EMID1: variants seen among roughly 807,000 people sequenced by gnomAD.
EMID1 encodes the protein EMI domain-containing protein 1.
A neutral mutation model predicts 60.6 loss-of-function variants in EMID1; 40 were observed. That is an observed-to-expected ratio of 0.66 (90% CI 0.51 to 0.86). The LOEUF is 0.86. EMID1 is among the 40% of genes least tolerant of loss of function. The pLI, the probability that EMID1 is intolerant of heterozygous loss-of-function variation, is 0.00. For missense variants in EMID1, 585 were observed against 597.1 expected (o/e 0.98, Z 0.21); for synonymous variants, 242 against 231.0 (o/e 1.05, Z -0.43).
intron 3 of EMID1, among the ~76,000 whole-genome samples, chr22:29,219,586 C>G (rs2146189117): frequency 6.6e-6 from 1 of 152,106 alleles, no homozygotes; most frequent in South Asian, 2.1e-4. Context: ...TCAAGCCTAG[C>G]CTGGGCAACA....
chr22:29,252,362 G>T (rs74662093), intron 13 of EMID1, among the ~76,000 whole-genome samples: 6,007 of 152,236 alleles, frequency 0.039, 247 homozygotes, highest in East Asian at 0.14. Context: ...AACCTTAAAG[G>T]GTTGGCTTGT....
intron 3 of EMID1, among the ~76,000 whole-genome samples, chr22:29,222,797 A>G (rs1432125153): frequency 6.6e-6 from 1 of 152,182 alleles, no homozygotes; most frequent in African/African-American, 2.4e-5. Context: ...TCATCAACAA[A>G]AGTTTTATAC....
rs1475591165 is a variant in EMID1, at chr22:29,256,300, C to T, written c.1204+2013C>T. On this transcript the variant is annotated intron_variant, in intron 14 of 14. Coordinates refer to ENST00000334018, the MANE Select transcript of EMID1 (RefSeq NM_133455.4). Reference sequence around the variant, plus strand: ...CCAGCCTGGGCAACATGGCGAAACCCCGTCTCTACTAAAAATTAGTTGGGT... The same window carrying T: ...CCAGCCTGGGCAACATGGCGAAACCTCGTCTCTACTAAAAATTAGTTGGGT... 2.0e-5 allele frequency among the ~76,000 whole-genome samples: 3 copies of T among 151,840 alleles called. No individual in the cohort carries two copies. In the East Asian group the frequency reaches 5.8e-4, roughly 29 times the overall value.
chr22:29,230,423 T>C (rs1568986081), intron 5 of EMID1, among the ~76,000 whole-genome samples: 1 of 152,204 alleles, frequency 6.6e-6, no homozygotes, highest in Non-Finnish European at 1.5e-5. Flanking sequence ...AGCTTCTTAT[T>C]TGGATAACCA....
intron 4 of EMID1, among the ~76,000 whole-genome samples, chr22:29,225,986 G>A (rs1322212234): frequency 6.6e-6 from 1 of 152,204 alleles, no homozygotes; most frequent in Non-Finnish European, 1.5e-5. Flanking sequence ...TGCGCTGGGT[G>A]GGTCCCCAAA....
At chr22:29,254,354 T>G (rs1016213094) in intron 14 of EMID1, 67 bp downstream of exon 14, 2 of 1,505,718 alleles carry the variant, frequency 1.3e-6, no homozygotes, top group African/African-American at 2.8e-5. Flanking sequence ...CAAGCCCTCC[T>G]GGGGTGGAAC....
chr22:29,231,631 C>G lies in EMID1; in HGVS notation c.625C>G (p.Pro209Ala). ...TTGGGGGCTTCCCGGGCCCACCGGC[C>G]CCAAGGGAGATGCCGGCAGTCGGGG... is the stretch of plus-strand genomic sequence containing the variant. ...GAWGLPGPTG[P>A]KGDAGSRGPM... Residue 209 changes from proline (P) to alanine (A), a missense_variant, in exon 7 of 15, where the codon CCC becomes GCC. Coordinates refer to ENST00000334018, the MANE Select transcript of EMID1 (RefSeq NM_133455.4). The G allele has an allele frequency of 6.7e-7, 1 of 1,501,784 alleles. No homozygotes were observed. Among genetic ancestry groups the G allele is most frequent in the Non-Finnish European group, 8.9e-7 (1 of 1,121,060 alleles). 93.0% of individuals were successfully genotyped at this position (1,501,784 alleles called of 1,614,324 possible). A position where few individuals can be genotyped will look rare whatever the true frequency, so the allele number is the denominator to read the frequency against.
Position 29,232,390 on chromosome 22 carries a change from A to C in EMID1, c.811A>C (p.Ile271Leu). 1 of 1,582,536 alleles carries C rather than the reference A, an allele frequency of 6.3e-7. No individual in the cohort carries two copies. The highest frequency in any genetic ancestry group is 8.6e-7 in the Non-Finnish European group (1 of 1,167,120). The change falls in exon 8 of 15, where the codon ATC (isoleucine) becomes CTC (leucine). Residue 271 changes from isoleucine to leucine, a missense_variant. Transcript: ENST00000334018. ...PAPVGPPHARISQHGDPLLSN... is the reference protein window; with the variant it reads ...PAPVGPPHARLSQHGDPLLSN... The stretch of plus-strand genomic sequence containing the variant: ...CCCTGTTGGGCCACCCCATGCCCGG[A>C]TCTCCCAGCATGGTGAGTCCCCCTG...
At chr22:29,251,075 G>A (rs1008122553) in intron 13 of EMID1, among the ~76,000 whole-genome samples, 2 of 150,128 alleles carry the variant, frequency 1.3e-5, no homozygotes, top group African/African-American at 2.5e-5. Context: ...ACACCACCAC[G>A]CCTGGCTAAT....
At chr22:29,243,221 C>G (rs1054349601) in intron 12 of EMID1, among the ~76,000 whole-genome samples, 2 of 152,186 alleles carry the variant, frequency 1.3e-5, no homozygotes, top group Non-Finnish European at 2.9e-5. Context: ...TTACCCAATG[C>G]CATTCCCTTC....
chr22:29,219,656 C>G (rs2040220576), intron 3 of EMID1, among the ~76,000 whole-genome samples: 1 of 152,092 alleles, frequency 6.6e-6, no homozygotes, highest in Non-Finnish European at 1.5e-5. Context: ...GTGGTGCACA[C>G]CTATAGTCCT....
chr22:29,253,641 G>C (rs2041601979), intron 13 of EMID1, among the ~76,000 whole-genome samples: 1 of 152,202 alleles, frequency 6.6e-6, no homozygotes, highest in African/African-American at 2.4e-5. Flanking sequence ...TTATCTGGAT[G>C]AAATCCCATT....
At chr22:29,225,590 GC>G (rs1431011221) in intron 4 of EMID1, among the ~76,000 whole-genome samples, 1 of 152,170 alleles carries the variant, frequency 6.6e-6, no homozygotes, top group Non-Finnish European at 1.5e-5. Flanking sequence ...GCTGTTCACT[GC>G]CCGCCCATTG....
At chr22:29,223,507 C>T (rs919505072) in intron 3 of EMID1, among the ~76,000 whole-genome samples, 5 of 152,212 alleles carry the variant, frequency 3.3e-5, no homozygotes, top group African/African-American at 1.2e-4. Flanking sequence ...CAGGCACCAG[C>T]GCTCCTGCTG....
chr22:29,253,139 T>C (rs1206126948), intron 13 of EMID1, among the ~76,000 whole-genome samples: 5 of 152,184 alleles, frequency 3.3e-5, no homozygotes, highest in African/African-American at 1.2e-4. Context: ...TTGAAAATAT[T>C]GTATGTCAAA....
chr22:29,214,728 GC>G (rs2040018865), intron 1 of EMID1, among the ~76,000 whole-genome samples, 197 bp from the exon 2 acceptor site: 1 of 152,072 alleles, frequency 6.6e-6, no homozygotes, highest in Admixed American at 6.5e-5. Flanking sequence ...CACCCCTAGG[GC>G]CATGACATTC....
chr22:29,243,732 C>T (rs184158490), intron 13 of EMID1, among the ~76,000 whole-genome samples: 1 of 152,340 alleles, frequency 6.6e-6, no homozygotes, highest in African/African-American at 2.4e-5. Flanking sequence ...AGTCTCTGTC[C>T]CTGTCTCCAC....
At chr22:29,248,665 G>A (rs1161174872) in intron 13 of EMID1, among the ~76,000 whole-genome samples, 4 of 152,046 alleles carry the variant, frequency 2.6e-5, no homozygotes, top group Admixed American at 6.6e-5. Flanking sequence ...GCAGCATAGC[G>A]AGACCTTGTC....
intron 1 of EMID1, among the ~76,000 whole-genome samples, chr22:29,208,903 G>A (rs533665090): frequency 1.8e-4 from 28 of 152,206 alleles, no homozygotes; most frequent in African/African-American, 4.6e-4. Context: ...AGCTTCCCCC[G>A]CTGGAGGAAA....
Sources: gnomAD v4.1 joint callset for allele counts (sites outside exome capture counted in the v4.1 genomes callset) on GRCh38, gnomAD v4.1.1 for gene constraint, MANE v1.5 for transcripts, NCBI Gene and HGNC (gene_info 2026-07-23, HGNC 2026-07-21) for gene names.